MGST1: variants seen among roughly 807,000 people sequenced by gnomAD.
MGST1 encodes the protein microsomal glutathione S-transferase 1.
Under a neutral mutation model 8.9 loss-of-function variants are expected in MGST1, and 5 were observed. The ratio of observed to expected loss-of-function variants is 0.56; its 90% CI spans 0.29 to 1.19. The LOEUF (loss-of-function observed/expected upper bound fraction) is 1.19, where lower values mean the gene tolerates loss of function less well. Among genes scored for constraint, MGST1 ranks in the 50% most tolerant of loss-of-function variants. The pLI is 0.08. For synonymous variants in MGST1, 54 were observed against 67.8 expected (o/e 0.80, Z 1.00); for missense variants, 182 against 187.4 (o/e 0.97, Z 0.17).
At chr12:16,530,649 A>G (rs1262096838) in intron 4 of MGST1, among the ~76,000 whole-genome samples, 2 of 152,138 alleles carry the variant, frequency 1.3e-5, no homozygotes, top group East Asian at 3.9e-4. Context: ...AAGTTGTTCC[A>G]GATGGTTGCA....
At chr12:16,426,200 T>A (rs1940885254) in intron 1 of MGST1, among the ~76,000 whole-genome samples, 1 of 152,200 alleles carries the variant, frequency 6.6e-6, no homozygotes, top group Non-Finnish European at 1.5e-5. Flanking sequence ...TCTTCATCTC[T>A]TACTCCTCAC....
chr12:16,461,248 G>A (rs943148305), intron 4 of MGST1, among the ~76,000 whole-genome samples: 12 of 150,120 alleles, frequency 8.0e-5, no homozygotes, highest in Non-Finnish European at 1.2e-4. Flanking sequence ...GGTTACTTAT[G>A]GCATTAAAGA....
intron 4 of MGST1, among the ~76,000 whole-genome samples, chr12:16,531,981 C>G (rs1486244777): frequency 6.6e-6 from 1 of 152,136 alleles, no homozygotes; most frequent in African/African-American, 2.4e-5. Context: ...AAATTGAAAG[C>G]AGCCCTTGGC....
rs2063782612 is a variant in MGST1 at position 16,517,689 on chromosome 12, T to G, written n.483-71839T>G. Among the ~76,000 whole-genome samples, 1 of 152,204 alleles carries G rather than the reference T, an allele frequency of 6.6e-6. No individual in the cohort carries two copies. Among genetic ancestry groups the G allele is most frequent in the African/African-American group, 2.4e-5 (1 of 41,450 alleles). ...GAGTGTTGCAAGCCAACTTGGCTTG[T>G]GCTCATCTAAGCACTGTCCACAGAG... is the stretch of plus-strand genomic sequence containing the variant. On this transcript the variant is annotated intron_variant and non_coding_transcript_variant, in intron 4 of 4. Transcript: ENST00000538857. This position sits in a 1 kb window ranked among gnomAD's most constrained non-coding sequence, Gnocchi z 4.2.
At position 16,497,857 on chromosome 12, in the gene MGST1, C is replaced by T. The variant is rs1941480124; in HGVS notation, n.483-91671C>T. On this transcript the variant is annotated intron_variant and non_coding_transcript_variant, in intron 4 of 4. Coordinates refer to the MGST1 transcript ENST00000538857. The surrounding 1 kb of genome is among the most constrained non-coding windows in gnomAD (Gnocchi z 4.4). ...GCACATTCTTTGGACATCTGTCCCCCAGAAATTCCGGAGTAGGGCTCAGGA... is the reference window on the plus strand; with the variant it reads ...GCACATTCTTTGGACATCTGTCCCCTAGAAATTCCGGAGTAGGGCTCAGGA... Among the ~76,000 whole-genome samples, 1 of 152,166 alleles carries T rather than the reference C, an allele frequency of 6.6e-6. No individual in the cohort carries two copies. Among genetic ancestry groups the T allele is most frequent in the Non-Finnish European group, 1.5e-5 (1 of 68,016 alleles).
chr12:16,372,660 A>G (rs916883628), intron 3 of MGST1, among the ~76,000 whole-genome samples: 4 of 151,998 alleles, frequency 2.6e-5, no homozygotes, highest in African/African-American at 7.2e-5. Flanking sequence ...CATATGATTC[A>G]GCAATCTCAC....
At chr12:16,378,573 G>C (rs1325471727), downstream of MGST1, among the ~76,000 whole-genome samples, 2 of 151,724 alleles carry the variant, frequency 1.3e-5, no homozygotes, top group African/African-American at 2.4e-5. Flanking sequence ...TTTGAAGTCA[G>C]GTAGCATGAT....
chr12:16,583,159 A>T (rs1043466420), intron 4 of MGST1, among the ~76,000 whole-genome samples: 6 of 152,188 alleles, frequency 3.9e-5, no homozygotes, highest in Non-Finnish European at 7.4e-5. Context: ...AGACTGTAAG[A>T]TGATCCCGGA....
chr12:16,590,696 G>A (rs757824928), downstream of MGST1, among the ~76,000 whole-genome samples: 1 of 151,902 alleles, frequency 6.6e-6, no homozygotes, highest in Non-Finnish European at 1.5e-5. Flanking sequence ...GGCAGTCCTA[G>A]CTCATCAATA....
Position 16,544,486 on chromosome 12 carries a change from G to C in MGST1, n.483-45042G>C, listed in dbSNP as rs781439033. On this transcript the variant is annotated intron_variant and non_coding_transcript_variant, in intron 4 of 4. Transcript: ENST00000538857. The surrounding 1 kb of genome is among the most constrained non-coding windows in gnomAD (Gnocchi z 4.8). ...TGTATTCATCTCTATTTTCTAAGTAGATAAGATTAAATGTAAATGTAGAGA... is the reference window on the plus strand; with the variant it reads ...TGTATTCATCTCTATTTTCTAAGTACATAAGATTAAATGTAAATGTAGAGA... Among the ~76,000 whole-genome samples, 40 of 151,944 alleles carry C rather than the reference G, an allele frequency of 2.6e-4. No homozygotes were observed. Among genetic ancestry groups the C allele is most frequent in the Non-Finnish European group, 5.6e-4 (38 of 67,924 alleles).
In MGST1 at chr12:16,362,308, CTT is replaced by C. The variant is rs1940036564; in HGVS notation, c.222-1484_222-1483del. Among the ~76,000 whole-genome samples the C allele has an allele frequency of 6.6e-6, 1 of 152,050 alleles. No homozygotes were observed. The highest frequency in any genetic ancestry group is 6.5e-5 in the Admixed American group (1 of 15,300). ...GAACACTCACACCATCCTCTCTTTG[CTT>C]TTATTCTGTATTGAAGCCTTTTCAA... On this transcript the variant is annotated intron_variant, in intron 3 of 3. Coordinates refer to ENST00000396210, the MANE Select transcript of MGST1 (RefSeq NM_020300.5). This position sits in a 1 kb window ranked among gnomAD's most constrained non-coding sequence, Gnocchi z 4.4.
At chr12:16,409,099 A>C (rs764751974) in intron 1 of MGST1, among the ~76,000 whole-genome samples, 17 of 152,134 alleles carry the variant, frequency 1.1e-4, no homozygotes, top group Non-Finnish European at 2.2e-4. Context: ...CTGTGTTTGT[A>C]ATTTAAGCAT....
intron 2 of MGST1, among the ~76,000 whole-genome samples, chr12:16,356,067 A>G (rs1306720432): frequency 6.6e-6 from 1 of 152,154 alleles, no homozygotes; most frequent in East Asian, 1.9e-4. Context: ...TTCTCTTCTT[A>G]TAAAGACTTT....
At chr12:16,400,319 T>A in intron 1 of MGST1, 2 of 801,818 alleles carry the variant, frequency 2.5e-6, no homozygotes, top group Non-Finnish European at 4.5e-6. Flanking sequence ...GCATGCTTAA[T>A]ATTATTGTAC....
At chr12:16,386,710 C>T (rs1940507108) in intron 1 of MGST1, among the ~76,000 whole-genome samples, 1 of 152,180 alleles carries the variant, frequency 6.6e-6, no homozygotes, top group Non-Finnish European at 1.5e-5. Context: ...CCCTTTGTCT[C>T]AGTTTTCCTT....
chr12:16,482,082 TATA>T lies in MGST1; in HGVS notation n.482+98482_482+98484del, dbSNP rs1361561823. 2.0e-5 allele frequency among the ~76,000 whole-genome samples: 3 copies of T among 152,026 alleles called. No individual in the cohort carries two copies. The highest frequency in any genetic ancestry group is 7.2e-5 in the African/African-American group (3 of 41,380). On this transcript the variant is annotated intron_variant and non_coding_transcript_variant, in intron 4 of 4. Coordinates refer to the MGST1 transcript ENST00000538857. This position sits in a 1 kb window ranked among gnomAD's most constrained non-coding sequence, Gnocchi z 4.2. ...AATAATAACATTGAGGTGCTGAAAA[TATA>T]ATAGTCAACATAAAATTGTATTCTA...
At chr12:16,411,522 G>C (rs141705672) in intron 1 of MGST1, among the ~76,000 whole-genome samples, 2 of 152,180 alleles carry the variant, frequency 1.3e-5, no homozygotes, top group East Asian at 3.9e-4. Flanking sequence ...AAAAATGTTA[G>C]TTTTCTTTAA....
downstream of MGST1, among the ~76,000 whole-genome samples, chr12:16,380,460 G>GT (rs545356721): frequency 4.1e-3 from 618 of 152,234 alleles, 4 homozygotes; most frequent in African/African-American, 0.014. Context: ...TTTTGAGTGA[G>GT]TTTTTTTAAT....
rs549279962 is a variant in MGST1, at chr12:16,585,218, C to T, written n.483-4310C>T. Among the ~76,000 whole-genome samples, 7 of 152,256 alleles carry T rather than the reference C, an allele frequency of 4.6e-5. No individual in the cohort carries two copies. Among genetic ancestry groups the T allele is most frequent in the Admixed American group, 4.6e-4 (7 of 15,292 alleles). Reference sequence around the variant, plus strand: ...CCTGGAGGCAATTGAGTTTGTAATTCCCGTCTTAGCCCTTGGCAAGATAAA... The same window carrying T: ...CCTGGAGGCAATTGAGTTTGTAATTTCCGTCTTAGCCCTTGGCAAGATAAA... On this transcript the variant is annotated intron_variant and non_coding_transcript_variant, in intron 4 of 4. Transcript: ENST00000538857. The surrounding 1 kb of genome is among the most constrained non-coding windows in gnomAD (Gnocchi z 4.7).
Sources: gnomAD v4.1 joint callset for allele counts (sites outside exome capture counted in the v4.1 genomes callset) on GRCh38, gnomAD v4.1.1 for gene constraint, Gnocchi (gnomAD v3.1) non-coding constraint, MANE v1.5 for transcripts, NCBI Gene and HGNC (gene_info 2026-07-23, HGNC 2026-07-21) for gene names.